PECR: variants seen among roughly 807,000 people sequenced by gnomAD.
PECR encodes 2,4-dienoyl-CoA reductase-related protein.
In PECR, 30 loss-of-function variants were observed where a neutral mutation model predicts 35.3. The observed-to-expected ratio is 0.85, with a 90% CI of 0.64 to 1.15. The LOEUF (loss-of-function observed/expected upper bound fraction) is 1.15. PECR is among the 50% of genes most tolerant of loss of function. The probability of loss-of-function intolerance (pLI) is 0.00; values close to 1 mark genes in which losing one functional copy is unlikely to be tolerated. For synonymous variants in PECR, 148 were observed against 138.9 expected, an observed-to-expected ratio of 1.07 and a Z score of -0.46; for missense variants, 392 against 370.8, an observed-to-expected ratio of 1.06 and a Z score of -0.47.
At chr2:216,068,800 G>A (rs1387237459) in intron 1 of PECR, among the ~76,000 whole-genome samples, 1 of 135,218 alleles carries the variant, frequency 7.4e-6, no homozygotes, top group Non-Finnish European at 1.5e-5. Context: ...ACCATATCTG[G>A]CCAATTTTTT....
chr2:216,066,536 G>C lies in PECR; in HGVS notation c.125-18C>G. 6.2e-7 allele frequency: 1 copy of C among 1,612,444 alleles called. No individual in the cohort carries two copies. The highest frequency in any genetic ancestry group is 8.5e-7 in the Non-Finnish European group (1 of 1,178,568). ...ATTACTCCCTGAGGAGAAACAGCCA[G>C]AGAACAAATAAATATGCCTTCATGG... On this transcript the variant is annotated intron_variant, in intron 1 of 7. Transcript: ENST00000265322.
At chr2:216,051,343 A>T in intron 5 of PECR, 106 bp downstream of exon 5, 1 of 770,236 alleles carries the variant, frequency 1.3e-6, no homozygotes, top group Non-Finnish European at 2.3e-6. Flanking sequence ...TTTAAAGTCA[A>T]TCTTTTATGC....
downstream of PECR, among the ~76,000 whole-genome samples, chr2:216,035,142 A>G (rs1411785462): frequency 6.6e-6 from 1 of 152,122 alleles, no homozygotes; most frequent in African/African-American, 2.4e-5. Context: ...TGGGTCCTCT[A>G]AGTTGTTCCC....
intron 7 of PECR, chr2:216,032,870 T>C (rs775717484): frequency 4.0e-5 from 6 of 150,960 alleles, no homozygotes; most frequent in Non-Finnish European, 8.9e-5. Context: ...GAAATCCTTG[T>C]AAACAAGGAG....
intron 2 of PECR, 26 bp downstream of exon 2, chr2:216,066,359 A>G: frequency 6.3e-7 from 1 of 1,596,414 alleles, no homozygotes. Flanking sequence ...ATGAATGAAT[A>G]AATGATACAG....
At chr2:216,060,244 C>T (rs9288514) in intron 3 of PECR, among the ~76,000 whole-genome samples, 18,638 of 152,090 alleles carry the variant, frequency 0.12, 1,708 homozygotes, top group African/African-American at 0.24. Flanking sequence ...CTACACACAC[C>T]TTCCGCTTCT....
chr2:216,058,671 C>T (rs1047622680), intron 4 of PECR, among the ~76,000 whole-genome samples: 6 of 151,562 alleles, frequency 4.0e-5, no homozygotes, highest in Non-Finnish European at 7.3e-5. Context: ...AAAACAAATA[C>T]TATTTTCCCT....
intron 1 of PECR, among the ~76,000 whole-genome samples, chr2:216,073,381 T>C (rs1695623787): frequency 6.6e-6 from 1 of 152,218 alleles, no homozygotes; most frequent in Non-Finnish European, 1.5e-5. Flanking sequence ...GCCACTGTAA[T>C]GTCATAGCTG....
At chr2:216,074,491 A>T (rs1002656096) in intron 1 of PECR, among the ~76,000 whole-genome samples, 1 of 132,524 alleles carries the variant, frequency 7.5e-6, no homozygotes, top group African/African-American at 2.8e-5. Context: ...AAAGAAAGAA[A>T]AAAAGGAAGG....
At chr2:216,056,875 G>A (rs899315823) in intron 4 of PECR, among the ~76,000 whole-genome samples, 4 of 151,942 alleles carry the variant, frequency 2.6e-5, no homozygotes, top group African/African-American at 9.7e-5. Flanking sequence ...TATGAGTCAT[G>A]GTCCAAAGTG....
intron 4 of PECR, among the ~76,000 whole-genome samples, chr2:216,051,886 G>C (rs576404031): frequency 3.9e-5 from 6 of 152,050 alleles, no homozygotes; most frequent in African/African-American, 1.2e-4. Context: ...TTTTAACATC[G>C]ATTTTAAATA....
In PECR at chr2:216,063,202, T is replaced by C. The variant is rs184238826; in HGVS notation, c.424+2110A>G. Among the ~76,000 whole-genome samples the C allele has an allele frequency of 4.4e-4, 67 of 152,372 alleles. 2 individuals are homozygous for C. In the East Asian group the frequency reaches 0.013, roughly 28 times the overall value. ...TTTTTTCATGTTAATGAGTACATTT[T>C]TATGTCAATATTTTTAAGGGCCGCA... On this transcript the variant is annotated intron_variant, in intron 3 of 7. Transcript: ENST00000265322.
rs1406262790 is a variant in PECR at position 216,065,307 on chromosome 2, C to A, written c.424+5G>T. The A allele has an allele frequency of 1.0e-5, 16 of 1,600,696 alleles. No individual in the cohort carries two copies. The highest frequency in any genetic ancestry group is 1.4e-5 in the Non-Finnish European group (16 of 1,167,894). On this transcript the variant is annotated splice_donor_5th_base_variant and intron_variant, in intron 3 of 7. Transcript: ENST00000265322. ...TGTTGACTTGTGGATACTGATGGTA[C>A]TTGCCTGCTTTGCACATGTAGAAGG...
At chr2:216,078,638 T>A (rs1266942970) in intron 1 of PECR, among the ~76,000 whole-genome samples, 2 of 150,808 alleles carry the variant, frequency 1.3e-5, no homozygotes, top group Admixed American at 6.6e-5. Context: ...CTGAAGGAAA[T>A]CCATTTCCAA....
chr2:216,034,892 C>T (rs1009981793), downstream of PECR, among the ~76,000 whole-genome samples: 2 of 152,204 alleles, frequency 1.3e-5, no homozygotes, highest in African/African-American at 4.8e-5. Context: ...CAGCCCAGAA[C>T]TGGTGTGACA....
At chr2:216,049,535 T>C (rs1279055644) in intron 5 of PECR, among the ~76,000 whole-genome samples, 162 bp from the exon 6 acceptor site, 1 of 152,214 alleles carries the variant, frequency 6.6e-6, no homozygotes, top group Non-Finnish European at 1.5e-5. Flanking sequence ...GTCAAAGAAG[T>C]ACAGTCCCCA....
chr2:216,064,471 C>G (rs1280394133), intron 3 of PECR, among the ~76,000 whole-genome samples: 1 of 152,206 alleles, frequency 6.6e-6, no homozygotes, highest in Non-Finnish European at 1.5e-5. Context: ...CCTCTTGAAT[C>G]ATGAAATGGA....
chr2:216,064,597 C>T (rs1325994575), intron 3 of PECR, among the ~76,000 whole-genome samples: 1 of 152,200 alleles, frequency 6.6e-6, no homozygotes, highest in Non-Finnish European at 1.5e-5. Context: ...GAAAAATAAA[C>T]TCATATTCAA....
chr2:216,054,360 CTTTT>C (rs1239254075), intron 4 of PECR, among the ~76,000 whole-genome samples: 2 of 134,496 alleles, frequency 1.5e-5, no homozygotes, highest in African/African-American at 5.5e-5. Flanking sequence ...TCACTAAGTT[CTTTT>C]TTCTTTCTTT....
Sources: allele counts gnomAD v4.1 joint callset (sites outside exome capture counted in the v4.1 genomes callset), GRCh38; gene constraint gnomAD v4.1.1; transcripts MANE v1.5; gene names NCBI Gene and HGNC (gene_info 2026-07-23, HGNC 2026-07-21).